Variants in PDE7B observed in about 807,000 individuals in gnomAD.
PDE7B encodes phosphodiesterase 7B.
Under a neutral mutation model 56.2 loss-of-function variants are expected in PDE7B, and 29 were observed. The ratio of observed to expected loss-of-function variants is 0.52; its 90% CI spans 0.38 to 0.70. The LOEUF (loss-of-function observed/expected upper bound fraction) is 0.70. PDE7B is among the 30% of genes least tolerant of loss of function. The pLI is 0.00. For missense variants in PDE7B, 490 were observed against 565.0 expected (o/e 0.87, Z 1.35); for synonymous variants, 197 against 196.9 (o/e 1.00, Z 0.00).
intron 2 of PDE7B, among the ~76,000 whole-genome samples, chr6:135,984,970 G>T (rs1301946787): frequency 6.6e-6 from 1 of 152,078 alleles, no homozygotes; most frequent in East Asian, 1.9e-4. Flanking sequence ...GCAAGCAAAG[G>T]CTACATGGGA....
At chr6:136,156,612 G>A (rs924854898) in intron 8 of PDE7B, among the ~76,000 whole-genome samples, 1 of 152,150 alleles carries the variant, frequency 6.6e-6, no homozygotes, top group Non-Finnish European at 1.5e-5. Flanking sequence ...ACTGGTCTTA[G>A]GATCTCTTGG....
chr6:136,164,579 G>A (rs183229551), intron 8 of PDE7B, among the ~76,000 whole-genome samples: 442 of 152,226 alleles, frequency 2.9e-3, no homozygotes, highest in Non-Finnish European at 5.2e-3. Context: ...ATAAACATGT[G>A]TTTTGACCAA....
In PDE7B at chr6:136,038,185, T is replaced by TAGCAGC. The variant is rs150803314; in HGVS notation, c.83-70531_83-70526dup. On this transcript the variant is annotated intron_variant, in intron 2 of 12. Transcript: ENST00000308191. ...TGCCTGGGAAGAATTTCCCCTGTGG[T>TAGCAGC]AGCAGCAGCAGCAGCAGCAGAAGCA... 117 of 1,285,734 alleles carry TAGCAGC rather than the reference T, an allele frequency of 9.1e-5. No homozygotes were observed. The South Asian group carries it at 1.1e-3, about 12-fold the overall frequency. 79.6% of individuals were successfully genotyped at this position (1,285,734 alleles called of 1,614,324 possible).
At chr6:135,965,013 C>A (rs747442867) in intron 2 of PDE7B, among the ~76,000 whole-genome samples, 2 of 152,088 alleles carry the variant, frequency 1.3e-5, no homozygotes, top group Non-Finnish European at 2.9e-5. Flanking sequence ...TGGTGGCGTG[C>A]GCCTATAATC....
intron 3 of PDE7B, among the ~76,000 whole-genome samples, chr6:136,130,060 G>A (rs185627008): frequency 6.2e-4 from 95 of 152,230 alleles, no homozygotes; most frequent in African/African-American, 2.2e-3. Flanking sequence ...TGTTCTCAGA[G>A]CTCTATAGTT....
chr6:136,017,969 C>T (rs1426763182), intron 2 of PDE7B, among the ~76,000 whole-genome samples: 2 of 152,152 alleles, frequency 1.3e-5, no homozygotes, highest in Non-Finnish European at 2.9e-5. Context: ...TTTCAACTTA[C>T]ATTTACTTAC....
chr6:136,100,317 G>A (rs1381929302), intron 2 of PDE7B, among the ~76,000 whole-genome samples: 4 of 152,104 alleles, frequency 2.6e-5, no homozygotes, highest in Admixed American at 1.3e-4. Context: ...AAGAAAGTCA[G>A]TGGTAGCTTG....
At chr6:135,925,580 G>A (rs1223133866) in intron 1 of PDE7B, among the ~76,000 whole-genome samples, 1 of 151,936 alleles carries the variant, frequency 6.6e-6, no homozygotes, top group African/African-American at 2.4e-5. Context: ...CCAGTACCTT[G>A]CCACAAAACA....
intron 2 of PDE7B, among the ~76,000 whole-genome samples, chr6:136,004,003 C>A (rs1209178125): frequency 8.6e-5 from 13 of 152,016 alleles, no homozygotes; most frequent in South Asian, 2.1e-4. Context: ...GCTTATCCAC[C>A]ATGATCAAGT....
intron 2 of PDE7B, among the ~76,000 whole-genome samples, chr6:136,093,312 G>T (rs1326886383): frequency 6.6e-6 from 1 of 152,124 alleles, no homozygotes; most frequent in Non-Finnish European, 1.5e-5. Context: ...GGACTATTTC[G>T]CCCATGGGCA....
intron 1 of PDE7B, among the ~76,000 whole-genome samples, chr6:135,918,037 G>A (rs1462335716): frequency 1.3e-5 from 2 of 152,178 alleles, no homozygotes; most frequent in Non-Finnish European, 2.9e-5. Context: ...GAACGAGGAG[G>A]TTAATATTTG....
intron 2 of PDE7B, among the ~76,000 whole-genome samples, chr6:136,105,497 T>C (rs1028850626): frequency 2.0e-5 from 3 of 152,190 alleles, no homozygotes; most frequent in Non-Finnish European, 2.9e-5. Flanking sequence ...ATAATAATAA[T>C]AACAGCTACT....
intron 2 of PDE7B, among the ~76,000 whole-genome samples, chr6:136,036,184 G>T (rs1005201934): frequency 6.6e-6 from 1 of 152,156 alleles, no homozygotes; most frequent in African/African-American, 2.4e-5. Flanking sequence ...AGGACTGGAC[G>T]GGCTGTCAAA....
At position 136,192,004 on chromosome 6, in the gene PDE7B, C is replaced by CA. The variant is rs1779236948; in HGVS notation, c.*167dup. ...ACTTACCTGCCTCCCCTCCTTTTCG[C>CA]AAATGTACAGAAGCCATTTGTCACC... On this transcript the variant is annotated 3_prime_UTR_variant, in exon 13 of 13. Coordinates refer to ENST00000308191, the MANE Select transcript of PDE7B (RefSeq NM_018945.4). 1.6e-6 allele frequency: 1 copy of CA among 617,514 alleles called. No homozygotes were observed. Among genetic ancestry groups the CA allele is most frequent in the Admixed American group, 2.9e-5 (1 of 34,318 alleles). 38.3% of individuals were successfully genotyped at this position (617,514 alleles called of 1,614,324 possible). A position where few individuals can be genotyped will look rare whatever the true frequency, so the allele number is the denominator to read the frequency against.
At chr6:136,108,387 AC>A (rs1379872798) in intron 2 of PDE7B, among the ~76,000 whole-genome samples, 3 of 152,186 alleles carry the variant, frequency 2.0e-5, no homozygotes, top group African/African-American at 7.2e-5. Flanking sequence ...AACGAAAGCT[AC>A]AATGCAACAC....
At chr6:136,107,169 A>T (rs764861210) in intron 2 of PDE7B, among the ~76,000 whole-genome samples, 2 of 152,174 alleles carry the variant, frequency 1.3e-5, no homozygotes, top group Non-Finnish European at 2.9e-5. Flanking sequence ...GTTGCAGCTG[A>T]TGGGGATCTC....
intron 2 of PDE7B, among the ~76,000 whole-genome samples, chr6:136,005,874 T>C (rs74609646): frequency 0.31 from 46,796 of 151,914 alleles, 7,988 homozygotes; most frequent in Admixed American, 0.43. Flanking sequence ...CAAAGGACTA[T>C]AAATCATACT....
At chr6:135,926,154 T>G (rs1459092742) in intron 1 of PDE7B, among the ~76,000 whole-genome samples, 1 of 136,336 alleles carries the variant, frequency 7.3e-6, no homozygotes, top group Non-Finnish European at 1.5e-5. Context: ...TGGCGCAATC[T>G]CGGCTCACTG....
intron 9 of PDE7B, among the ~76,000 whole-genome samples, chr6:136,176,383 T>G (rs910309884): frequency 3.3e-5 from 5 of 152,148 alleles, no homozygotes; most frequent in African/African-American, 1.2e-4. Context: ...GTTTATTTTC[T>G]GTGACCATAG....
Sources: allele counts gnomAD v4.1 joint callset (sites outside exome capture counted in the v4.1 genomes callset), GRCh38; gene constraint gnomAD v4.1.1; transcripts MANE v1.5; gene names NCBI Gene and HGNC (gene_info 2026-07-23, HGNC 2026-07-21).